Variants in ABTB2 observed in about 807,000 individuals in gnomAD.
The protein encoded by ABTB2 is ankyrin repeat and BTB/POZ domain-containing protein 2.
A neutral mutation model predicts 104.1 loss-of-function variants in ABTB2; 56 were observed. The ratio of observed to expected loss-of-function variants is 0.54; its 90% confidence interval spans 0.43 to 0.67. ABTB2 has a LOEUF of 0.67. Ranked by LOEUF, ABTB2 falls within the 30% of genes least tolerant of loss-of-function variation. ABTB2 has a pLI of 0.00. For synonymous variants in ABTB2, 606 were observed against 608.2 expected, an observed-to-expected ratio of 1.00 and a Z score of 0.05; for missense variants, 1,279 against 1,407.7, an observed-to-expected ratio of 0.91 and a Z score of 1.46.
chr11:34,303,575 G>GAA (rs34186301), intron 1 of ABTB2, among the ~76,000 whole-genome samples: 42,663 of 147,150 alleles, frequency 0.29, 6,392 homozygotes, highest in East Asian at 0.48. Flanking sequence ...TAACTTAAAT[G>GAA]AAAAAAAATA....
At chr11:34,217,548 G>A (rs756737141) in intron 1 of ABTB2, among the ~76,000 whole-genome samples, 86 of 152,164 alleles carry the variant, frequency 5.7e-4, no homozygotes, top group Non-Finnish European at 8.1e-4. Context: ...CACAATCTTC[G>A]CCTCCTGGGT....
At position 34,152,377 on chromosome 11, in the gene ABTB2, G is replaced by A. The variant is rs557470544; in HGVS notation, c.*10C>T. 1.0e-5 allele frequency: 16 copies of A among 1,553,136 alleles called. No individual in the cohort carries two copies. Among genetic ancestry groups the A allele is most frequent in the South Asian group, 5.9e-5 (5 of 84,338 alleles). The stretch of plus-strand genomic sequence containing the variant: ...ACAGGCCCTGGCCTCGGCAGCCTCC[G>A]CCCCCTGCCTCACACCCGGGAGGTG... On this transcript the variant is annotated 3_prime_UTR_variant, in exon 17 of 17. Transcript: ENST00000435224.
chr11:34,273,298 T>C (rs1854342122), intron 1 of ABTB2, among the ~76,000 whole-genome samples: 1 of 152,108 alleles, frequency 6.6e-6, no homozygotes. Flanking sequence ...TGTTGCTTTG[T>C]TTTGGAATAA....
At chr11:34,266,065 G>A (rs1001492809) in intron 1 of ABTB2, among the ~76,000 whole-genome samples, 4 of 151,674 alleles carry the variant, frequency 2.6e-5, no homozygotes, top group East Asian at 1.9e-4. Context: ...TCTCTACCAC[G>A]AATTCATTTT....
intron 3 of ABTB2, among the ~76,000 whole-genome samples, chr11:34,173,757 G>A (rs767131276): frequency 5.9e-5 from 9 of 152,132 alleles, no homozygotes; most frequent in Non-Finnish European, 1.0e-4. Flanking sequence ...GGGAGAGGCT[G>A]CACAGCTAAG....
intron 3 of ABTB2, among the ~76,000 whole-genome samples, chr11:34,178,029 A>G (rs1325129166): frequency 4.6e-5 from 7 of 152,142 alleles, no homozygotes; most frequent in Admixed American, 6.6e-5. Context: ...TCCTCCAATG[A>G]TTCTGTGAAC....
At chr11:34,156,775 C>T (rs755237514) in intron 14 of ABTB2, among the ~76,000 whole-genome samples, 14 of 152,146 alleles carry the variant, frequency 9.2e-5, no homozygotes, top group Non-Finnish European at 1.5e-4. Context: ...CTGCCCACCT[C>T]GGCCTCCAAA....
intron 1 of ABTB2, among the ~76,000 whole-genome samples, chr11:34,233,333 C>CG (rs1554984963): frequency 6.9e-6 from 1 of 145,566 alleles, no homozygotes; most frequent in African/African-American, 2.5e-5. Context: ...CTCACTGCAG[C>CG]TTTTTTTTTT....
chr11:34,157,128 C>T (rs768318833), intron 14 of ABTB2, among the ~76,000 whole-genome samples: 4 of 152,152 alleles, frequency 2.6e-5, no homozygotes, highest in Non-Finnish European at 5.9e-5. Flanking sequence ...GAGCCCTGAC[C>T]CCAGACTGAT....
intron 1 of ABTB2, among the ~76,000 whole-genome samples, chr11:34,259,597 G>T (rs1033036567): frequency 6.6e-6 from 1 of 152,174 alleles, no homozygotes; most frequent in African/African-American, 2.4e-5. Context: ...TCAGATCTGT[G>T]GGGTATCACT....
At chr11:34,254,305 T>C (rs1854093411) in intron 1 of ABTB2, among the ~76,000 whole-genome samples, 1 of 152,050 alleles carries the variant, frequency 6.6e-6, no homozygotes, top group African/African-American at 2.4e-5. Context: ...TGGAGTGCAG[T>C]GGCATGATCA....
At chr11:34,290,908 A>T (rs923995699) in intron 1 of ABTB2, among the ~76,000 whole-genome samples, 1 of 152,154 alleles carries the variant, frequency 6.6e-6, no homozygotes, top group Non-Finnish European at 1.5e-5. Flanking sequence ...ACAGTTATAA[A>T]TTTTTTTCCC....
chr11:34,354,304 G>A (rs1590268412), intron 1 of ABTB2, among the ~76,000 whole-genome samples: 1 of 152,112 alleles, frequency 6.6e-6, no homozygotes, highest in South Asian at 2.1e-4. Context: ...TGGAAAGGGG[G>A]GGCAAGGAGG....
chr11:34,347,443 T>A (rs1855346677), intron 1 of ABTB2, among the ~76,000 whole-genome samples: 1 of 146,242 alleles, frequency 6.8e-6, no homozygotes, highest in Non-Finnish European at 1.5e-5. Flanking sequence ...GTCAAAAAAA[T>A]AATAATAAAA....
At chr11:34,336,902 A>G (rs1443428319) in intron 1 of ABTB2, among the ~76,000 whole-genome samples, 1 of 152,190 alleles carries the variant, frequency 6.6e-6, no homozygotes, top group Non-Finnish European at 1.5e-5. Context: ...GGTGTAGTTC[A>G]TTTAATCTTG....
rs945927720 is a variant in ABTB2, at chr11:34,357,375, G to T, written c.209C>A (p.Thr70Lys). Residue 70 changes from threonine to lysine, a missense_variant, in exon 1 of 17, where the codon ACG becomes AAG. Thr to Lys is a moderately conservative substitution (Grantham distance 78, BLOSUM62 -1). Transcript: ENST00000435224. ...SMNSRHNSWD[T>K]VNTVLPEDPE... ...GTCCTCGGGCAGCACCGTGTTCACC[G>T]TGTCCCAGCTGTTGTGGCGGCTGTT... 1.3e-6 allele frequency: 2 copies of T among 1,542,836 alleles called. No homozygotes were observed. Among genetic ancestry groups the T allele is most frequent in the Non-Finnish European group, 1.8e-6 (2 of 1,141,446 alleles).
intron 1 of ABTB2, among the ~76,000 whole-genome samples, chr11:34,264,450 C>T (rs1317805941): frequency 6.6e-6 from 1 of 152,252 alleles, no homozygotes; most frequent in Non-Finnish European, 1.5e-5. Flanking sequence ...GGAAATGTTG[C>T]TTCATGGCCC....
chr11:34,261,033 G>A (rs751957138), intron 1 of ABTB2, among the ~76,000 whole-genome samples: 15 of 152,154 alleles, frequency 9.9e-5, no homozygotes, highest in Admixed American at 5.2e-4. Flanking sequence ...TGAGGTGGAA[G>A]AATCGCTTGA....
chr11:34,257,534 A>C (rs1449027587), intron 1 of ABTB2, among the ~76,000 whole-genome samples: 1 of 152,218 alleles, frequency 6.6e-6, no homozygotes, highest in Non-Finnish European at 1.5e-5. Context: ...CCAACACAGT[A>C]GTCACTAACC....
Sources: gnomAD v4.1 joint callset for allele counts (sites outside exome capture counted in the v4.1 genomes callset) on GRCh38, gnomAD v4.1.1 for gene constraint, MANE v1.5 for transcripts, NCBI Gene and HGNC (gene_info 2026-07-23, HGNC 2026-07-21) for gene names.